Variants in CIMIP6 observed in about 807,000 individuals in gnomAD.
CIMIP6 encodes the protein uncharacterized protein C2orf73.
the CIMIP6 span, chr2:54,360,429 G>T: frequency 6.3e-7 from 1 of 1,598,888 alleles, no homozygotes; most frequent in Non-Finnish European, 8.5e-7. Context: ...ACAGACGTCA[G>T]ACAGGCAGCC....
At chr2:54,358,793 GAAGA>G in the CIMIP6 span, among the ~76,000 whole-genome samples, 42,345 of 151,966 alleles carry the variant, frequency 0.28, 6,917 homozygotes, top group Non-Finnish European at 0.37. Context: ...CTCTTTTCAT[GAAGA>G]AAGAATGGTG....
chr2:54,374,969 T>C, the CIMIP6 span, among the ~76,000 whole-genome samples: 3,295 of 152,302 alleles, frequency 0.022, 135 homozygotes, highest in African/African-American at 0.076. Flanking sequence ...GCTTCACACA[T>C]AATAGAATAT....
At chr2:54,363,271 T>C in the CIMIP6 span, among the ~76,000 whole-genome samples, 1 of 152,178 alleles carries the variant, frequency 6.6e-6, no homozygotes. Flanking sequence ...TGGGACAAGT[T>C]TGGGATGTAG....
the CIMIP6 span, among the ~76,000 whole-genome samples, chr2:54,377,810 T>G: frequency 1.3e-5 from 2 of 152,240 alleles, no homozygotes; most frequent in Non-Finnish European, 2.9e-5. Flanking sequence ...CAGTGACTGC[T>G]CTGTGTCAAG....
chr2:54,382,036 A>T, the CIMIP6 span: 1 of 1,464,172 alleles, frequency 6.8e-7, no homozygotes, highest in Non-Finnish European at 9.0e-7. Context: ...GGCCCAGAGA[A>T]GTTAGGTAGC....
chr2:54,349,697 T>C, the CIMIP6 span, among the ~76,000 whole-genome samples: 6 of 152,224 alleles, frequency 3.9e-5, no homozygotes, highest in Admixed American at 3.9e-4. Context: ...TTCCTCACTA[T>C]TGTGGGCTTC....
the CIMIP6 span, among the ~76,000 whole-genome samples, chr2:54,347,626 C>A: frequency 6.6e-6 from 1 of 151,984 alleles, no homozygotes; most frequent in Non-Finnish European, 1.5e-5. Context: ...TAAGGCAGGG[C>A]TCAGTCATTT....
the CIMIP6 span, among the ~76,000 whole-genome samples, chr2:54,378,265 C>A: frequency 2.0e-5 from 3 of 152,214 alleles, no homozygotes; most frequent in African/African-American, 7.2e-5. Flanking sequence ...TGATAATATT[C>A]CCCTGGGTTA....
At chr2:54,359,060 C>T in the CIMIP6 span, 1 of 1,508,832 alleles carries the variant, frequency 6.6e-7, no homozygotes, top group Non-Finnish European at 9.0e-7. Context: ...TCCGAATGAG[C>T]CTCTCCAGGG....
the CIMIP6 span, chr2:54,360,595 G>A: frequency 2.1e-6 from 3 of 1,440,980 alleles, no homozygotes; most frequent in Non-Finnish European, 2.7e-6. Context: ...CTAATCCCTG[G>A]AATATAGGGA....
At chr2:54,347,686 A>G in the CIMIP6 span, among the ~76,000 whole-genome samples, 1 of 152,116 alleles carries the variant, frequency 6.6e-6, no homozygotes, top group African/African-American at 2.4e-5. Context: ...TAATTTGCCC[A>G]GAGAGAAATC....
the CIMIP6 span, among the ~76,000 whole-genome samples, chr2:54,338,191 T>C: frequency 6.6e-6 from 1 of 152,066 alleles, no homozygotes; most frequent in Non-Finnish European, 1.5e-5. Context: ...CCCAACACTT[T>C]GGAAGGCCAA....
chr2:54,380,787 C>G, the CIMIP6 span, among the ~76,000 whole-genome samples: 1 of 152,188 alleles, frequency 6.6e-6, no homozygotes, highest in Non-Finnish European at 1.5e-5. Context: ...ACACCCATGC[C>G]TTACCAAGCA....
chr2:54,349,065 A>G, the CIMIP6 span, among the ~76,000 whole-genome samples: 1 of 152,232 alleles, frequency 6.6e-6, no homozygotes, highest in Non-Finnish European at 1.5e-5. Context: ...TACTTAAATA[A>G]AACCTTGCTG....
At chr2:54,355,724 G>A in the CIMIP6 span, among the ~76,000 whole-genome samples, 7 of 151,292 alleles carry the variant, frequency 4.6e-5, no homozygotes, top group Non-Finnish European at 8.9e-5. Context: ...GTATTTTTTT[G>A]TTTCAACTGT....
chr2:54,377,308 T>C, the CIMIP6 span, among the ~76,000 whole-genome samples: 2 of 152,184 alleles, frequency 1.3e-5, no homozygotes, highest in Admixed American at 1.3e-4. Context: ...TGGGAAGAGA[T>C]GTGTACAGTG....
chr2:54,332,656 G>A, the CIMIP6 span, among the ~76,000 whole-genome samples: 71,425 of 151,978 alleles, frequency 0.47, 17,306 homozygotes, highest in Non-Finnish European at 0.53. Flanking sequence ...TTATCAACCC[G>A]TAGGCATTCA....
the CIMIP6 span, among the ~76,000 whole-genome samples, chr2:54,376,102 C>A: frequency 6.6e-6 from 1 of 152,120 alleles, no homozygotes; most frequent in Non-Finnish European, 1.5e-5. Flanking sequence ...TTAGCATGAA[C>A]ACAGCTTACT....
the CIMIP6 span, chr2:54,360,189 G>T: frequency 6.5e-7 from 1 of 1,537,926 alleles, no homozygotes; most frequent in South Asian, 1.3e-5. Context: ...TGTCGACTTT[G>T]TTTTCTTTTC....
Sources: allele counts gnomAD v4.1 joint callset (sites outside exome capture counted in the v4.1 genomes callset), GRCh38; gene constraint gnomAD v4.1.1; transcripts MANE v1.5; gene names NCBI Gene and HGNC (gene_info 2026-07-23, HGNC 2026-07-21).